Variants in C2orf42 observed in about 807,000 individuals in gnomAD.
The protein encoded by C2orf42 is chromosome 2 open reading frame 42.
Under a neutral mutation model 58.9 loss-of-function variants are expected in C2orf42, and 44 were observed. The ratio of observed to expected loss-of-function variants is 0.75; its 90% CI spans 0.59 to 0.96. The LOEUF is 0.96. Ranked by LOEUF, C2orf42 falls within the 40% of genes least tolerant of loss-of-function variation. C2orf42 has a pLI of 0.00. For missense variants in C2orf42, 630 were observed against 699.2 expected (o/e 0.90, Z 1.12); for synonymous variants, 239 against 265.4 (o/e 0.90, Z 0.97).
At chr2:70,179,287 G>T (rs1285286511) in intron 4 of C2orf42, among the ~76,000 whole-genome samples, 1 of 151,938 alleles carries the variant, frequency 6.6e-6, no homozygotes, top group South Asian at 2.1e-4. Context: ...AATATTTCTT[G>T]GCCAGGTGTG....
chr2:70,182,294 T>C (rs1674638063), intron 2 of C2orf42: 3 of 226,568 alleles, frequency 1.3e-5, no homozygotes, highest in Admixed American at 1.0e-4. Flanking sequence ...GAGATGGGGT[T>C]TGACCATGTT....
chr2:70,188,378 C>T (rs12616085), intron 1 of C2orf42, among the ~76,000 whole-genome samples: 10,185 of 151,928 alleles, frequency 0.067, 383 homozygotes, highest in East Asian at 0.17. Flanking sequence ...TTAGTTGAGA[C>T]GGGGTTTCTC....
chr2:70,178,772 T>G (rs1417927898), intron 4 of C2orf42, among the ~76,000 whole-genome samples: 2 of 151,572 alleles, frequency 1.3e-5, no homozygotes, highest in Non-Finnish European at 2.9e-5. Flanking sequence ...CCATCTCTAC[T>G]AAAAATATAA....
rs572209061 is a variant in C2orf42, at chr2:70,159,111, C to T, written c.1516+1514G>A. 9.9e-5 allele frequency among the ~76,000 whole-genome samples: 15 copies of T among 151,344 alleles called. No homozygotes were observed. The East Asian group carries it at 2.8e-3, about 28-fold the overall frequency. The stretch of plus-strand genomic sequence containing the variant: ...CCATGTTAGCCAGGATGGTCTCGAT[C>T]TCCTGACCTTGTGATCCGCCTGTCT... On this transcript the variant is annotated intron_variant, in intron 9 of 9. Transcript: ENST00000264434.
At chr2:70,173,267 CTTTTTTT>C (rs202063318) in intron 5 of C2orf42, among the ~76,000 whole-genome samples, 14 of 95,752 alleles carry the variant, frequency 1.5e-4, no homozygotes, top group Admixed American at 7.4e-4. Context: ...TGCGTAAGTT[CTTTTTTT>C]TTTTTTTTTT....
rs186226319 is a variant in C2orf42 at position 70,176,367 on chromosome 2, G to A, written c.935-590C>T. ...AAAATATAAAAAATTAGCCGGGCGC[G>A]GTGGCAGGTGCCTGTAGTCCCAGCT... On this transcript the variant is annotated intron_variant, in intron 4 of 9. Transcript: ENST00000264434. 5.3e-5 allele frequency among the ~76,000 whole-genome samples: 8 copies of A among 152,168 alleles called. No individual in the cohort carries two copies. The East Asian group carries it at 1.2e-3, about 22-fold the overall frequency.
At position 70,150,504 on chromosome 2, in the gene C2orf42, A is replaced by G; in HGVS notation, c.1577T>C (p.Ile526Thr). The change falls in exon 10 of 10, where the codon ATC becomes ACC. Residue 526 changes from isoleucine (I) to threonine (T), a missense_variant. Coordinates refer to ENST00000264434, the MANE Select transcript of C2orf42 (RefSeq NM_017880.3). ...CTCGCCAATCTTAGATTGGGGAAGG[A>G]TATCTGGGATCCACTCGATGATGAA... ...TPFIIEWIPDILPQSKIGELR... is the reference protein window; with the variant it reads ...TPFIIEWIPDTLPQSKIGELR... 6.2e-7 allele frequency: 1 copy of G among 1,614,056 alleles called. No individual in the cohort carries two copies. The highest frequency in any genetic ancestry group is 8.5e-7 in the Non-Finnish European group (1 of 1,179,978).
chr2:70,188,663 T>G (rs1456788819), intron 1 of C2orf42, among the ~76,000 whole-genome samples: 1 of 152,160 alleles, frequency 6.6e-6, no homozygotes, highest in Non-Finnish European at 1.5e-5. Context: ...ACATTATTAT[T>G]AACTGAACTC....
At position 70,172,495 on chromosome 2, in the gene C2orf42, T is replaced by C. The variant is rs1673894210; in HGVS notation, c.1040-2834A>G. Among the ~76,000 whole-genome samples the C allele has an allele frequency of 3.3e-5, 5 of 152,038 alleles. 1 individual carries two copies. In the South Asian group the frequency reaches 1.0e-3, roughly 32 times the overall value. ...GAGTTTGAGACCAGATTGGGCAACA[T>C]GACGAAACTCCGTCTCTACTAAAAA... is the stretch of plus-strand genomic sequence containing the variant. On this transcript the variant is annotated intron_variant, in intron 5 of 9. Transcript: ENST00000264434.
At position 70,177,153 on chromosome 2, in the gene C2orf42, T is replaced by C. The variant is rs552032727; in HGVS notation, c.935-1376A>G. ...TGGGTGTGGTGGCGAGCACCTGTAA[T>C]CACAGCTACTTAGGAGACCGAGGCA... On this transcript the variant is annotated intron_variant, in intron 4 of 9. Transcript: ENST00000264434. Among the ~76,000 whole-genome samples the C allele has an allele frequency of 1.4e-3, 218 of 151,822 alleles. 1 individual carries two copies. The highest frequency in any genetic ancestry group is 5.1e-3 in the African/African-American group (210 of 41,400).
chr2:70,164,461 G>A lies in C2orf42; in HGVS notation c.1353+631C>T, dbSNP rs560392155. On this transcript the variant is annotated intron_variant, in intron 8 of 9. Transcript: ENST00000264434. ...AGCCTGGCCTACATGGTCAAACCCT[G>A]TCTCTACTAAAAATACAAAAATTAG... Among the ~76,000 whole-genome samples, 11 of 151,986 alleles carry A rather than the reference G, an allele frequency of 7.2e-5. No individual in the cohort carries two copies. The South Asian group carries it at 1.2e-3, about 17-fold the overall frequency.
rs1051884824 is a variant in C2orf42, at chr2:70,164,824, T to C, written c.1353+268A>G. ...TCATAAGTATTAGGGGATCATTATT[T>C]AATTTATAAGAAAAATTATGTTTTT... On this transcript the variant is annotated intron_variant, in intron 8 of 9. Coordinates refer to ENST00000264434, the MANE Select transcript of C2orf42 (RefSeq NM_017880.3). Among the ~76,000 whole-genome samples, 4 of 152,160 alleles carry C rather than the reference T, an allele frequency of 2.6e-5. No individual in the cohort carries two copies. In the South Asian group the frequency reaches 8.3e-4, roughly 31 times the overall value.
Position 70,181,196 on chromosome 2 carries a change from C to T in C2orf42, c.790G>A (p.Glu264Lys), listed in dbSNP as rs755274550. ...AFASDETLAQ[E>K]FSDFLNFDSS... is the part of the protein sequence containing the mutation. ...TCAAAATTTAGGAAGTCTGAGAATT[C>T]CTGAGCCAGTGTCTCATCACTGGCA... Residue 264 changes from glutamate (E) to lysine (K), a missense_variant, in exon 3 of 10, where the codon GAA becomes AAA. Glu to Lys is a moderately conservative substitution (Grantham distance 56). Coordinates refer to ENST00000264434, the MANE Select transcript of C2orf42 (RefSeq NM_017880.3). 1.3e-6 allele frequency: 2 copies of T among 1,578,858 alleles called. No individual in the cohort carries two copies. The highest frequency in any genetic ancestry group is 1.4e-5 in the African/African-American group (1 of 73,470).
Position 70,181,153 on chromosome 2 carries a change from T to C in C2orf42, c.823+10A>G, listed in dbSNP as rs1674535465. On this transcript the variant is annotated intron_variant, in intron 3 of 9. Transcript: ENST00000264434. Reference sequence around the variant, plus strand: ...AAAAACGTAATAACCACATCAACCATACCACCTACCGCTGGAATCAAAATT... The same window carrying C: ...AAAAACGTAATAACCACATCAACCACACCACCTACCGCTGGAATCAAAATT... 5 of 1,505,194 alleles carry C rather than the reference T, an allele frequency of 3.3e-6. No homozygotes were observed. The East Asian group carries it at 1.1e-4, about 34-fold the overall frequency. The allele number at this position is 1,505,194 out of a possible 1,614,324, so 93.2% of individuals were successfully genotyped here. A position where few individuals can be genotyped will look rare whatever the true frequency, so the allele number is the denominator to read the frequency against.
At chr2:70,184,771 A>G (rs1674816410) in intron 1 of C2orf42, among the ~76,000 whole-genome samples, 2 of 150,326 alleles carry the variant, frequency 1.3e-5, no homozygotes, top group South Asian at 2.2e-4. Flanking sequence ...GTGAGCCACC[A>G]TGCCCAGTGG....
chr2:70,174,868 C>T (rs1674081645), intron 5 of C2orf42, among the ~76,000 whole-genome samples: 1 of 151,858 alleles, frequency 6.6e-6, no homozygotes, highest in Non-Finnish European at 1.5e-5. Flanking sequence ...GACAGGGTTT[C>T]ACCATGTTGG....
At chr2:70,178,064 C>CA (rs869211385) in intron 4 of C2orf42, among the ~76,000 whole-genome samples, 8 of 151,954 alleles carry the variant, frequency 5.3e-5, no homozygotes, top group Non-Finnish European at 8.8e-5. Context: ...AACAAACAAA[C>CA]AAAAAAACAC....
chr2:70,158,998 G>A (rs1379369326), intron 9 of C2orf42, among the ~76,000 whole-genome samples: 1 of 140,264 alleles, frequency 7.1e-6, no homozygotes, highest in African/African-American at 2.7e-5. Flanking sequence ...TGCAAGCTCT[G>A]CATCCTGGGT....
chr2:70,176,594 C>G (rs938906625), intron 4 of C2orf42, among the ~76,000 whole-genome samples: 1 of 151,900 alleles, frequency 6.6e-6, no homozygotes, highest in Non-Finnish European at 1.5e-5. Context: ...GAGCATTTTC[C>G]CAAATTCTTT....
Sources: gnomAD v4.1 joint callset for allele counts (sites outside exome capture counted in the v4.1 genomes callset) on GRCh38, gnomAD v4.1.1 for gene constraint, MANE v1.5 for transcripts, NCBI Gene and HGNC (gene_info 2026-07-23, HGNC 2026-07-21) for gene names.